Variants in DYNC2H1 observed in about 807,000 individuals in gnomAD.
DYNC2H1 encodes the protein dynein cytoplasmic 2 heavy chain 1.
A neutral mutation model predicts 570.0 loss-of-function variants in DYNC2H1; 410 were observed. The ratio of observed to expected loss-of-function variants is 0.72; its 90% CI spans 0.66 to 0.78. DYNC2H1 has a LOEUF of 0.78. DYNC2H1 is among the 30% of genes least tolerant of loss of function. The pLI is 0.00. For missense variants in DYNC2H1, 4,865 were observed against 5,046.4 expected (o/e 0.96, Z 1.09); for synonymous variants, 1,688 against 1,677.6 (o/e 1.01, Z -0.15).
In DYNC2H1 at chr11:103,209,072, G is replaced by A. The variant is rs17100123; in HGVS notation, c.8455-804G>A. 1.3e-5 allele frequency among the ~76,000 whole-genome samples: 2 copies of A among 152,000 alleles called. No homozygotes were observed. Among genetic ancestry groups the A allele is most frequent in the Admixed American group, 6.6e-5 (1 of 15,252 alleles). On this transcript the variant is annotated intron_variant, in intron 52 of 88. Transcript: ENST00000375735. This position sits in a 1 kb window ranked among gnomAD's most constrained non-coding sequence, Gnocchi z 4.2. ...CTGTCACAAGAATTATGGTACATTCGAACTCTGCATTAATGAAGACATCTT... is the reference window on the plus strand; with the variant it reads ...CTGTCACAAGAATTATGGTACATTCAAACTCTGCATTAATGAAGACATCTT...
At chr11:103,411,521 C>T (rs1406682082) in intron 84 of DYNC2H1, among the ~76,000 whole-genome samples, 4 of 147,112 alleles carry the variant, frequency 2.7e-5, no homozygotes, top group African/African-American at 1.0e-4. Flanking sequence ...ATCTCGGTGA[C>T]CTGTGGCATA....
At chr11:103,292,816 A>G (rs1349186959) in intron 75 of DYNC2H1, among the ~76,000 whole-genome samples, 3 of 152,202 alleles carry the variant, frequency 2.0e-5, no homozygotes, top group African/African-American at 7.2e-5. Context: ...GCCATCAGTA[A>G]CAGCTCTCTT....
rs1193276055 is a variant in DYNC2H1 at position 103,203,022 on chromosome 11, T to C, written c.8198-641T>C. Among the ~76,000 whole-genome samples, 2 of 152,174 alleles carry C rather than the reference T, an allele frequency of 1.3e-5. No homozygotes were observed. Among genetic ancestry groups the C allele is most frequent in the Non-Finnish European group, 2.9e-5 (2 of 68,026 alleles). ...TAGTACAAGTTCATCTTTTCATTCA[T>C]TCATTTATGTAAAACATATTTTTGT... is the stretch of plus-strand genomic sequence containing the variant. On this transcript the variant is annotated intron_variant, in intron 50 of 88. Transcript: ENST00000375735. This position sits in a 1 kb window ranked among gnomAD's most constrained non-coding sequence, Gnocchi z 4.7.
In DYNC2H1 at chr11:103,257,613, G is replaced by C. The variant is rs764068478; in HGVS notation, c.10467G>C (p.Arg3489=). The C allele has an allele frequency of 1.9e-6, 3 of 1,609,450 alleles. No individual in the cohort carries two copies. Among genetic ancestry groups the C allele is most frequent in the Non-Finnish European group, 2.5e-6 (3 of 1,177,308 alleles). ...YKLQISLDQE[R]DAYLPLAESA... is the part of the protein sequence containing the mutation. ...ACTGATCTCTTGATCCATAGGAACG[G>C]GATGCCTATCTCCCCCTGGCTGAGA... The change falls in exon 69 of 89, where the codon CGG becomes CGC. Residue 3489 remains arginine (R), a synonymous_variant. Transcript: ENST00000375735.
At chr11:103,374,272 A>T (rs972229169) in intron 83 of DYNC2H1, among the ~76,000 whole-genome samples, 6 of 152,180 alleles carry the variant, frequency 3.9e-5, no homozygotes, top group African/African-American at 1.4e-4. Context: ...TGCTGTTCTC[A>T]TGATAGCGAG....
chr11:103,420,908 C>T (rs1167961202), intron 84 of DYNC2H1, among the ~76,000 whole-genome samples: 1 of 152,114 alleles, frequency 6.6e-6, no homozygotes, highest in Non-Finnish European at 1.5e-5. Context: ...GGGCTAAATG[C>T]TCCAATTAAA....
chr11:103,304,664 T>C lies in DYNC2H1; in HGVS notation c.11326T>C (p.Trp3776Arg), dbSNP rs1483899172. The change falls in exon 77 of 89, where the codon TGG becomes CGG. Residue 3776 changes from tryptophan (W) to arginine (R), a missense_variant. Trp to Arg is a moderately radical substitution (Grantham distance 101, BLOSUM62 -3). Around this residue, in one of 5 missense-constraint regions of DYNC2H1, gnomAD observed 2,401 missense variants for 2,454.6 expected, o/e 0.98. Transcript: ENST00000375735. ...MLKECARNGD[W>R]LCLKNLHLVV... ...AAAAGAATGTGCCCGCAATGGAGAC[T>C]GGCTCTGTTTGAAGAACTTACATCT... 6.2e-7 allele frequency: 1 copy of C among 1,613,482 alleles called. No homozygotes were observed. Among genetic ancestry groups the C allele is most frequent in the Non-Finnish European group, 8.5e-7 (1 of 1,179,552 alleles).
chr11:103,153,619 TC>T, intron 22 of DYNC2H1, 111 bp downstream of exon 22: 1 of 998,948 alleles, frequency 1.0e-6, no homozygotes, highest in Non-Finnish European at 1.5e-6. Flanking sequence ...ATAAACTTCA[TC>T]ACTTTTTAAA....
intron 12 of DYNC2H1, among the ~76,000 whole-genome samples, chr11:103,127,966 G>A (rs1308743112): frequency 1.3e-5 from 2 of 152,190 alleles, no homozygotes; most frequent in African/African-American, 4.8e-5. Context: ...GACCGGTCAG[G>A]TTAGGTATGC....
chr11:103,357,045 C>T (rs751684330), intron 82 of DYNC2H1, among the ~76,000 whole-genome samples: 8 of 151,896 alleles, frequency 5.3e-5, no homozygotes, highest in Non-Finnish European at 2.9e-5. Context: ...AGTGAGATAG[C>T]ACAATTTTAA....
In DYNC2H1 at chr11:103,325,388, A is replaced by G. The variant is rs866068840; in HGVS notation, c.12039+1398A>G. 6.6e-6 allele frequency among the ~76,000 whole-genome samples: 1 copy of G among 152,152 alleles called. No individual in the cohort carries two copies. The highest frequency in any genetic ancestry group is 1.5e-5 in the Non-Finnish European group (1 of 68,022). On this transcript the variant is annotated intron_variant, in intron 82 of 88. Coordinates refer to ENST00000375735, the MANE Select transcript of DYNC2H1 (RefSeq NM_001377.3). This position sits in a 1 kb window ranked among gnomAD's most constrained non-coding sequence, Gnocchi z 4.8. Reference sequence around the variant, plus strand: ...ATCCATCTTGAGTTGATTTTTGTATATGGTGGAAGGAGTGGGTCTAGTTTC... The same window carrying G: ...ATCCATCTTGAGTTGATTTTTGTATGTGGTGGAAGGAGTGGGTCTAGTTTC...
In DYNC2H1 at chr11:103,203,617, C is replaced by A. The variant is rs773823342; in HGVS notation, c.8198-46C>A. 4.1e-6 allele frequency: 5 copies of A among 1,231,138 alleles called. No homozygotes were observed. The highest frequency in any genetic ancestry group is 2.4e-4 in the Middle Eastern group (1 of 4,224). 76.3% of individuals were successfully genotyped at this position (1,231,138 alleles called of 1,614,324 possible). On this transcript the variant is annotated intron_variant, in intron 50 of 88. Coordinates refer to ENST00000375735, the MANE Select transcript of DYNC2H1 (RefSeq NM_001377.3). The surrounding 1 kb of genome is among the most constrained non-coding windows in gnomAD (Gnocchi z 4.7). ...TTTTTAAATACAAAAATTGAAAAAG[C>A]ATCATTTATTAAAATGTTTTCAATT...
In DYNC2H1 at chr11:103,176,237, A is replaced by G; in HGVS notation, c.5677A>G (p.Asn1893Asp). The change falls in exon 37 of 89, where the codon AAT (asparagine) becomes GAT (aspartate). Residue 1893 changes from asparagine to aspartate, a missense_variant and splice_region_variant. Asn to Asp is a conservative substitution (Grantham distance 23, BLOSUM62 1). Around this residue, in one of 5 missense-constraint regions of DYNC2H1, gnomAD observed 292 missense variants for 300.2 expected, o/e 0.97. Transcript: ENST00000375735. ...LNKSGTTQNANESHIVVQALR... is the reference protein window; with the variant it reads ...LNKSGTTQNADESHIVVQALR... ...TTTAAAATGAAACTTTTTTCTAGCT[A>G]ATGAAAGTCATATTGTGGTACAAGC... 6.8e-7 allele frequency: 1 copy of G among 1,477,262 alleles called. No homozygotes were observed. The highest frequency in any genetic ancestry group is 1.5e-5 in the South Asian group (1 of 67,466). The allele number at this position is 1,477,262 out of a possible 1,614,324, so 91.5% of individuals were successfully genotyped here. A position where few individuals can be genotyped will look rare whatever the true frequency, so the allele number is the denominator to read the frequency against.
chr11:103,431,235 T>C (rs1943881227), intron 84 of DYNC2H1, among the ~76,000 whole-genome samples: 1 of 131,762 alleles, frequency 7.6e-6, no homozygotes, highest in Non-Finnish European at 1.6e-5. Flanking sequence ...AAAAAAAAAC[T>C]AAAAAACTTT....
intron 83 of DYNC2H1, among the ~76,000 whole-genome samples, chr11:103,396,177 C>G (rs1942388468): frequency 6.6e-6 from 1 of 152,142 alleles, no homozygotes; most frequent in Non-Finnish European, 1.5e-5. Context: ...TTATGAATTT[C>G]ACTGAGTCAC....
chr11:103,415,479 A>C (rs912384538), intron 84 of DYNC2H1, among the ~76,000 whole-genome samples: 1 of 152,200 alleles, frequency 6.6e-6, no homozygotes, highest in African/African-American at 2.4e-5. Flanking sequence ...CCCATCAAAA[A>C]GTGGGCAAAG....
In DYNC2H1 at chr11:103,156,787, A is replaced by G. The variant is rs778443668; in HGVS notation, c.4127+17A>G. 1.3e-6 allele frequency: 2 copies of G among 1,589,916 alleles called. No homozygotes were observed. The highest frequency in any genetic ancestry group is 1.9e-5 in the Admixed American group (1 of 51,806). On this transcript the variant is annotated intron_variant, in intron 26 of 88. Transcript: ENST00000375735. Reference sequence around the variant, plus strand: ...AGATTTTAGGTCAGTACAATGATGTAAGACATAGACACATATGGTATTTTT... The same window carrying G: ...AGATTTTAGGTCAGTACAATGATGTGAGACATAGACACATATGGTATTTTT...
chr11:103,468,866 T>C (rs1192051144), intron 88 of DYNC2H1, among the ~76,000 whole-genome samples, 161 bp downstream of exon 88: 3 of 152,226 alleles, frequency 2.0e-5, no homozygotes, highest in Admixed American at 6.5e-5. Context: ...CTTTATCATG[T>C]TTAAGATGCA....
chr11:103,348,199 G>A (rs1436407729), intron 82 of DYNC2H1, among the ~76,000 whole-genome samples: 1 of 152,124 alleles, frequency 6.6e-6, no homozygotes, highest in African/African-American at 2.4e-5. Flanking sequence ...AGAATAACCA[G>A]TGTTTAACTG....
Sources: gnomAD v4.1 joint callset for allele counts (sites outside exome capture counted in the v4.1 genomes callset) on GRCh38, gnomAD v4.1.1 for gene constraint, gnomAD v4.1.1 regional missense constraint, Gnocchi (gnomAD v3.1) non-coding constraint, MANE v1.5 for transcripts, NCBI Gene and HGNC (gene_info 2026-07-23, HGNC 2026-07-21) for gene names.